The following SUSD6 variants were observed in gnomAD, a reference collection of about 807,000 sequenced individuals.
The protein encoded by SUSD6 is sushi domain containing 6.
SUSD6 carries 16 observed loss-of-function variants against 28.4 expected under a neutral mutation model. The observed-to-expected ratio is 0.56, with a 90% CI of 0.38 to 0.86. The LOEUF is 0.86. Among genes scored for constraint, SUSD6 ranks in the 40% least tolerant of loss-of-function variants. The pLI is 0.00. For missense variants in SUSD6, 341 were observed against 384.2 expected, an observed-to-expected ratio of 0.89 and a Z score of 0.94; for synonymous variants, 147 against 159.6, an observed-to-expected ratio of 0.92 and a Z score of 0.59.
intron 1 of SUSD6, among the ~76,000 whole-genome samples, chr14:69,649,061 G>T (rs1885467516): frequency 6.6e-6 from 1 of 152,148 alleles, no homozygotes; most frequent in African/African-American, 2.4e-5. Flanking sequence ...AGAAGTCTTT[G>T]TTCCTGTGTC....
chr14:69,630,561 G>A (rs1003654827), intron 1 of SUSD6, among the ~76,000 whole-genome samples: 8 of 152,012 alleles, frequency 5.3e-5, no homozygotes, highest in East Asian at 1.9e-4. Context: ...ATGTAATGAC[G>A]TCTGACTAAA....
At chr14:69,702,188 T>C (rs192987628) in intron 2 of SUSD6, among the ~76,000 whole-genome samples, 82 of 152,326 alleles carry the variant, frequency 5.4e-4, no homozygotes, top group African/African-American at 1.9e-3. Context: ...ATATTCAGGA[T>C]GGGGGCAGGT....
At chr14:69,640,652 A>G (rs374140385) in intron 1 of SUSD6, among the ~76,000 whole-genome samples, 1 of 152,304 alleles carries the variant, frequency 6.6e-6, no homozygotes, top group African/African-American at 2.4e-5. Flanking sequence ...AATAAATTTT[A>G]TCTGAATTTG....
chr14:69,693,167 C>T (rs1886176664), intron 2 of SUSD6, among the ~76,000 whole-genome samples: 1 of 152,156 alleles, frequency 6.6e-6, no homozygotes, highest in Non-Finnish European at 1.5e-5. Flanking sequence ...ACTGTACTGA[C>T]CTATAGCAGT....
chr14:69,684,160 C>T lies in SUSD6; in HGVS notation c.122-19235C>T, dbSNP rs181867045. On this transcript the variant is annotated intron_variant, in intron 2 of 5. Coordinates refer to ENST00000342745, the MANE Select transcript of SUSD6 (RefSeq NM_014734.4). ...TAGCAGGTTTCAAGCCTCTGCTGGT[C>T]GTTGGAGAATGAGATTGGCCAGGAG... 7.2e-5 allele frequency among the ~76,000 whole-genome samples: 11 copies of T among 152,298 alleles called. No individual in the cohort carries two copies. In the East Asian group the frequency reaches 1.9e-3, roughly 27 times the overall value.
chr14:69,690,331 A>G lies in SUSD6; in HGVS notation c.122-13064A>G, dbSNP rs186968428. 7.3e-4 allele frequency among the ~76,000 whole-genome samples: 111 copies of G among 152,354 alleles called. 1 individual carries two copies. The highest frequency in any genetic ancestry group is 7.2e-3 in the Admixed American group (110 of 15,304). ...TTACTAGAGCCAGACCAATATGTACACAGGCTAACATCAAAGGCCAGTCCT... is the reference window on the plus strand; with the variant it reads ...TTACTAGAGCCAGACCAATATGTACGCAGGCTAACATCAAAGGCCAGTCCT... On this transcript the variant is annotated intron_variant, in intron 2 of 5. Coordinates refer to ENST00000342745, the MANE Select transcript of SUSD6 (RefSeq NM_014734.4).
intron 1 of SUSD6, among the ~76,000 whole-genome samples, chr14:69,637,614 A>G (rs971162209): frequency 1.3e-5 from 2 of 152,108 alleles, no homozygotes; most frequent in Non-Finnish European, 2.9e-5. Flanking sequence ...ATTGTGGCAA[A>G]GCATTGGGTG....
intron 1 of SUSD6, among the ~76,000 whole-genome samples, chr14:69,654,855 C>T: frequency 6.9e-6 from 1 of 144,538 alleles, no homozygotes; most frequent in East Asian, 2.0e-4. Context: ...AGTGCAGTGG[C>T]ACAATATCGG....
In SUSD6 at chr14:69,690,127, G is replaced by A. The variant is rs1247273109; in HGVS notation, c.122-13268G>A. Among the ~76,000 whole-genome samples, 2 of 152,328 alleles carry A rather than the reference G, an allele frequency of 1.3e-5. 1 individual carries two copies. The highest frequency in any genetic ancestry group is 4.1e-4 in the South Asian group (2 of 4,832). ...GTCCGAGGCATTGTCTTCTGACTGG[G>A]CATCTCAGACTGGTCAGTCAAAAGT... On this transcript the variant is annotated intron_variant, in intron 2 of 5. Coordinates refer to ENST00000342745, the MANE Select transcript of SUSD6 (RefSeq NM_014734.4).
chr14:69,703,307 T>A, intron 2 of SUSD6, 88 bp from the exon 3 acceptor site: 1 of 1,028,390 alleles, frequency 9.7e-7, no homozygotes. Flanking sequence ...CTGTGTTTCC[T>A]GTAGAGGCCT....
chr14:69,625,393 G>C (rs1566589261), intron 1 of SUSD6, among the ~76,000 whole-genome samples: 1 of 152,202 alleles, frequency 6.6e-6, no homozygotes, highest in African/African-American at 2.4e-5. Flanking sequence ...TGAGGCACAG[G>C]GTAGTGGGTG....
intron 2 of SUSD6, among the ~76,000 whole-genome samples, chr14:69,659,731 C>T (rs1050258140): frequency 2.0e-5 from 3 of 152,166 alleles, no homozygotes; most frequent in Non-Finnish European, 2.9e-5. Flanking sequence ...GTTGGCCAGG[C>T]TGGTCTTGAA....
rs187153984 is a variant in SUSD6 at position 69,669,769 on chromosome 14, A to G, written c.121+11056A>G. ...AACATCACCCATCTCTCTTACCACT[A>G]GAATTAATAGGGTCTGAAGGAAGGA... On this transcript the variant is annotated intron_variant, in intron 2 of 5. Coordinates refer to ENST00000342745, the MANE Select transcript of SUSD6 (RefSeq NM_014734.4). Among the ~76,000 whole-genome samples, 145 of 152,210 alleles carry G rather than the reference A, an allele frequency of 9.5e-4. 1 individual carries two copies. Among genetic ancestry groups the G allele is most frequent in the Non-Finnish European group, 7.3e-5 (5 of 68,036 alleles).
rs1885703225 is a variant in SUSD6, at chr14:69,664,104, G to A, written c.121+5391G>A. On this transcript the variant is annotated intron_variant, in intron 2 of 5. Transcript: ENST00000342745. ...CGCCATTCTTCTGCCTCAGTCTCCC[G>A]AGTAGCTGGTACCACAGGCGCCCGC... Among the ~76,000 whole-genome samples, 3 of 151,732 alleles carry A rather than the reference G, an allele frequency of 2.0e-5. No homozygotes were observed. The South Asian group carries it at 6.3e-4, about 32-fold the overall frequency.
intron 1 of SUSD6, among the ~76,000 whole-genome samples, chr14:69,643,156 C>A (rs557788303): frequency 6.6e-6 from 1 of 152,248 alleles, no homozygotes; most frequent in East Asian, 1.9e-4. Flanking sequence ...TGTCTGAAAA[C>A]CGTTATTTTA....
At chr14:69,623,491 G>T (rs531643403) in intron 1 of SUSD6, among the ~76,000 whole-genome samples, 2 of 152,222 alleles carry the variant, frequency 1.3e-5, no homozygotes, top group African/African-American at 4.8e-5. Context: ...GATAATAACA[G>T]TGTTTCTGGT....
intron 1 of SUSD6, among the ~76,000 whole-genome samples, chr14:69,641,205 A>G (rs532134114): frequency 2.8e-4 from 42 of 152,152 alleles, no homozygotes; most frequent in Admixed American, 2.0e-4. Flanking sequence ...CTGTTTTTTT[A>G]ACATTTCGAT....
intron 1 of SUSD6, among the ~76,000 whole-genome samples, chr14:69,638,598 A>G (rs547495807): frequency 1.5e-3 from 235 of 152,314 alleles, no homozygotes; most frequent in African/African-American, 5.5e-3. Flanking sequence ...TAACATGCAT[A>G]TGAATCACCT....
chr14:69,679,089 G>GA (rs1885960440), intron 2 of SUSD6, among the ~76,000 whole-genome samples: 1 of 152,206 alleles, frequency 6.6e-6, no homozygotes, highest in African/African-American at 2.4e-5. Context: ...TGATGGACAT[G>GA]AAATGGAATC....
Sources: gnomAD v4.1 joint callset for allele counts (sites outside exome capture counted in the v4.1 genomes callset) on GRCh38, gnomAD v4.1.1 for gene constraint, MANE v1.5 for transcripts, NCBI Gene and HGNC (gene_info 2026-07-23, HGNC 2026-07-21) for gene names.